The following SLC38A4 variants were observed in gnomAD, a reference collection of about 807,000 sequenced individuals.
The protein encoded by SLC38A4 is sodium-coupled neutral amino acid transporter 4.
A neutral mutation model predicts 63.1 loss-of-function variants in SLC38A4; 20 were observed. The observed-to-expected ratio is 0.32, with a 90% CI of 0.22 to 0.46. The LOEUF (loss-of-function observed/expected upper bound fraction) is 0.46, where lower values mean the gene tolerates loss of function less well. Among genes scored for constraint, SLC38A4 ranks in the 20% least tolerant of loss-of-function variants. The pLI, the probability that SLC38A4 is intolerant of heterozygous loss-of-function variation, is 1.00. For synonymous variants in SLC38A4, 230 were observed against 225.5 expected, an observed-to-expected ratio of 1.02 and a Z score of -0.18; for missense variants, 526 against 663.6, an observed-to-expected ratio of 0.79 and a Z score of 2.28.
At position 46,778,353 on chromosome 12, in the gene SLC38A4, G is replaced by A. The variant is rs1938571333; in HGVS notation, c.1009C>T (p.Pro337Ser). 6.2e-7 allele frequency: 1 copy of A among 1,612,512 alleles called. No homozygotes were observed. Reference protein sequence around the residue: ...VFNSRTAYAIPILVFAFVCHP... With the variant: ...VFNSRTAYAISILVFAFVCHP... ...CATACAAAAGCAAATACTAGGATAG[G>A]AATTGCATAGGCCGTCTGAAAAACA... The change falls in exon 12 of 17, where the codon CCT becomes TCT. Residue 337 changes from proline (P) to serine (S), a missense_variant. Pro to Ser is a moderately conservative substitution (Grantham distance 74). Transcript: ENST00000266579.
chr12:46,784,682 C>T (rs758104541), intron 6 of SLC38A4, 48 bp from the exon 7 acceptor site: 1 of 1,439,946 alleles, frequency 6.9e-7, no homozygotes, highest in South Asian at 1.2e-5. Context: ...GTTTTAATGA[C>T]TAAAATATTT....
chr12:46,785,080 T>G, intron 6 of SLC38A4, 24 bp downstream of exon 6: 3 of 1,540,476 alleles, frequency 1.9e-6, no homozygotes, highest in Non-Finnish European at 2.7e-6. Flanking sequence ...AAATAGAATG[T>G]GTTGGACTCA....
At chr12:46,790,412 C>T (rs74084199) in intron 3 of SLC38A4, among the ~76,000 whole-genome samples, 1,556 of 152,196 alleles carry the variant, frequency 0.01, 22 homozygotes, top group African/African-American at 0.035. Context: ...ATTCACCCCC[C>T]ACCCACTGCC....
At chr12:46,826,457 G>A (rs1565681441), upstream of SLC38A4, among the ~76,000 whole-genome samples, 1 of 152,174 alleles carries the variant, frequency 6.6e-6, no homozygotes, top group Non-Finnish European at 1.5e-5. Flanking sequence ...GAGTGTTTAC[G>A]TGCCATGCAG....
intron 7 of SLC38A4, among the ~76,000 whole-genome samples, chr12:46,781,661 G>A (rs1006359431): frequency 6.6e-6 from 1 of 152,018 alleles, no homozygotes; most frequent in Non-Finnish European, 1.5e-5. Context: ...ACCAAAGTGA[G>A]AGCATTATTT....
chr12:46,824,378 C>T (rs1036076261), intron 1 of SLC38A4: 4 of 152,154 alleles, frequency 2.6e-5, no homozygotes, highest in Non-Finnish European at 5.9e-5. Context: ...TGTATACATC[C>T]TTTTGCCCTA....
In SLC38A4 at chr12:46,778,302, T is replaced by C. The variant is rs1470148093; in HGVS notation, c.1060A>G (p.Ser354Gly). ...TGGCTGCCTTACTCTTTAAGTTCAC[T>C]GTAGATGGGAAGGACCTCAGGGTGG... ...VCHPEVLPIY[S>G]ELKDRSRRKM... The change falls in exon 12 of 17, where the codon AGT becomes GGT. Residue 354 changes from serine to glycine, a missense_variant. Coordinates refer to ENST00000266579, the MANE Select transcript of SLC38A4 (RefSeq NM_018018.5). The C allele has an allele frequency of 6.2e-7, 1 of 1,612,554 alleles. No individual in the cohort carries two copies. The highest frequency in any genetic ancestry group is 8.5e-7 in the Non-Finnish European group (1 of 1,179,036).
intron 13 of SLC38A4, among the ~76,000 whole-genome samples, chr12:46,776,286 G>A (rs1201891141): frequency 1.3e-5 from 2 of 152,014 alleles, no homozygotes; most frequent in Non-Finnish European, 2.9e-5. Context: ...GAACTGTTAA[G>A]ATGCCAGAGA....
chr12:46,818,612 A>G (rs1281970905), intron 1 of SLC38A4, among the ~76,000 whole-genome samples: 1 of 151,842 alleles, frequency 6.6e-6, no homozygotes, highest in African/African-American at 2.4e-5. Context: ...CTCAGCTGGC[A>G]TTATCCAATA....
intron 5 of SLC38A4, among the ~76,000 whole-genome samples, chr12:46,785,446 C>T (rs1938738473): frequency 1.3e-5 from 2 of 151,922 alleles, no homozygotes; most frequent in African/African-American, 4.8e-5. Flanking sequence ...AACTTAGATG[C>T]TAAATGTATA....
At position 46,785,028 on chromosome 12, in the gene SLC38A4, G is replaced by C. The variant is rs909844063; in HGVS notation, c.400+76C>G. On this transcript the variant is annotated intron_variant, in intron 6 of 16. Transcript: ENST00000266579. ...GTGAAACTGACTATAATCATCCTAA[G>C]GTTATGAAGCAACAGACTGAAATAC... The C allele has an allele frequency of 4.3e-6, 5 of 1,158,786 alleles. No individual in the cohort carries two copies. The African/African-American group carries it at 7.6e-5, about 18-fold the overall frequency. The allele number at this position is 1,158,786 out of a possible 1,614,324, so 71.8% of individuals were successfully genotyped here.
In SLC38A4 at chr12:46,766,621, C is replaced by A; in HGVS notation, c.*80G>T. On this transcript the variant is annotated 3_prime_UTR_variant, in exon 17 of 17. Transcript: ENST00000266579. The stretch of plus-strand genomic sequence containing the variant: ...CCTGTTATTTCCTATGAATAACATT[C>A]CAATCAAGATAATTCAAATATCTTT... 1 of 987,934 alleles carries A rather than the reference C, an allele frequency of 1.0e-6. No individual in the cohort carries two copies. Among genetic ancestry groups the A allele is most frequent in the South Asian group, 1.4e-5 (1 of 72,708 alleles). The allele number at this position is 987,934 out of a possible 1,614,324, so 61.2% of individuals were successfully genotyped here.
chr12:46,772,041 G>T (rs1938426978), intron 14 of SLC38A4, among the ~76,000 whole-genome samples: 1 of 151,502 alleles, frequency 6.6e-6, no homozygotes, highest in Non-Finnish European at 1.5e-5. Context: ...ACAGGAGCCT[G>T]TTAGGGGGTG....
At chr12:46,786,865 C>T (rs966670540) in intron 5 of SLC38A4, among the ~76,000 whole-genome samples, 2 of 152,266 alleles carry the variant, frequency 1.3e-5, no homozygotes, top group South Asian at 4.1e-4. Context: ...ATAAACAGCA[C>T]ATATTTGTGA....
upstream of SLC38A4, among the ~76,000 whole-genome samples, chr12:46,827,269 C>T (rs1042872978): frequency 2.0e-5 from 3 of 152,114 alleles, no homozygotes; most frequent in East Asian, 1.9e-4. Context: ...ATCACGCTAT[C>T]GAAAAACATT....
At chr12:46,769,211 C>T (rs1054891045) in intron 15 of SLC38A4, 73 bp downstream of exon 15, 1 of 1,534,668 alleles carries the variant, frequency 6.5e-7, no homozygotes, top group African/African-American at 1.4e-5. Context: ...GATGACCCAG[C>T]ACTGGTTCCC....
At chr12:46,820,895 T>C (rs371744472) in intron 1 of SLC38A4, among the ~76,000 whole-genome samples, 50 of 152,230 alleles carry the variant, frequency 3.3e-4, no homozygotes, top group East Asian at 3.3e-3. Context: ...TGATATTTCA[T>C]TGTGATTTTA....
intron 14 of SLC38A4, among the ~76,000 whole-genome samples, chr12:46,773,048 T>C (rs191249178): frequency 6.6e-6 from 1 of 152,068 alleles, no homozygotes; most frequent in Admixed American, 6.6e-5. Flanking sequence ...AGAAAAAAAA[T>C]TGAATTTAGC....
At chr12:46,771,284 T>C (rs1938410561) in intron 14 of SLC38A4, among the ~76,000 whole-genome samples, 1 of 152,140 alleles carries the variant, frequency 6.6e-6, no homozygotes, top group African/African-American at 2.4e-5. Context: ...GGTATATACA[T>C]AGTGCCAGAG....
Sources: allele counts gnomAD v4.1 joint callset (sites outside exome capture counted in the v4.1 genomes callset), GRCh38; gene constraint gnomAD v4.1.1; transcripts MANE v1.5; gene names NCBI Gene and HGNC (gene_info 2026-07-23, HGNC 2026-07-21).